Variants in MANSC1 observed in about 807,000 individuals in gnomAD.
MANSC1 encodes MANSC domain containing 1.
A neutral mutation model predicts 14.1 loss-of-function variants in MANSC1; 13 were observed. The ratio of observed to expected loss-of-function variants is 0.92; its 90% CI spans 0.60 to 1.46. MANSC1 has a LOEUF of 1.46. Among genes scored for constraint, MANSC1 ranks in the 40% most tolerant of loss-of-function variants. The probability of loss-of-function intolerance (pLI) is 0.00; values close to 1 mark genes in which losing one functional copy is unlikely to be tolerated. For missense variants in MANSC1, 486 were observed against 511.4 expected (o/e 0.95, Z 0.48); for synonymous variants, 227 against 200.7 (o/e 1.13, Z -1.11).
At chr12:12,339,924 C>T (rs1862912573) in intron 2 of MANSC1, among the ~76,000 whole-genome samples, 1 of 152,084 alleles carries the variant, frequency 6.6e-6, no homozygotes, top group Admixed American at 6.6e-5. Flanking sequence ...ACAATCCTCC[C>T]ACCTCAGCCT....
chr12:12,346,197 C>CTG (rs3053800), intron 1 of MANSC1, among the ~76,000 whole-genome samples: 74,397 of 143,316 alleles, frequency 0.52, 18,313 homozygotes, highest in East Asian at 0.59. Flanking sequence ...GGCATGAACC[C>CTG]CAGGCGGAGC....
At chr12:12,348,055 C>G (rs1304343854) in intron 1 of MANSC1, 4 of 151,726 alleles carry the variant, frequency 2.6e-5, no homozygotes, top group Admixed American at 2.6e-4. Flanking sequence ...AGAGTGAGAC[C>G]CTATCTCAAA....
intron 1 of MANSC1, among the ~76,000 whole-genome samples, chr12:12,347,254 G>A (rs952288344): frequency 3.5e-4 from 53 of 152,282 alleles, no homozygotes; most frequent in African/African-American, 1.2e-3. Flanking sequence ...TGGGGGTGAT[G>A]GGAGACAGTG....
intron 1 of MANSC1, among the ~76,000 whole-genome samples, chr12:12,344,973 C>G (rs1281959705): frequency 3.6e-5 from 3 of 83,300 alleles, no homozygotes; most frequent in Admixed American, 1.5e-4. Context: ...ATATATTACA[C>G]TAGTTCTGTC....
At chr12:12,338,791 A>T (rs534475925) in intron 2 of MANSC1, 87 of 573,504 alleles carry the variant, frequency 1.5e-4, no homozygotes, top group African/African-American at 1.5e-3. Context: ...ACCGAAGGCG[A>T]AGAAGGAAGC....
In MANSC1 at chr12:12,330,050, T is replaced by A. The variant is rs772903280; in HGVS notation, c.1273A>T (p.Asn425Tyr). 1.2e-6 allele frequency: 2 copies of A among 1,614,098 alleles called. No homozygotes were observed. Among genetic ancestry groups the A allele is most frequent in the Non-Finnish European group, 1.7e-6 (2 of 1,180,000 alleles). Residue 425 changes from asparagine (N) to tyrosine (Y), a missense_variant, in exon 4 of 4, where the codon AAT becomes TAT. By Grantham distance (143) the Asn-to-Tyr change is moderately radical (BLOSUM62 -2). Transcript: ENST00000535902. ...CCTTAGATGTCCACATAGATCCCAT[T>A]GATCAAATAATCCAGTCTTGAGTAA... ...KRYSRLDYLI[N>Y]GIYVDI
chr12:12,345,659 T>C (rs1863001058), intron 1 of MANSC1, among the ~76,000 whole-genome samples: 2 of 152,250 alleles, frequency 1.3e-5, no homozygotes, highest in Admixed American at 1.3e-4. Context: ...CATTTCCTTT[T>C]AACATTTCAT....
chr12:12,336,717 G>A lies in MANSC1; in HGVS notation c.364+1703C>T, dbSNP rs141978478. On this transcript the variant is annotated intron_variant, in intron 3 of 3. Transcript: ENST00000535902. ...AATTTTTTTAATTTTTTGTGGATAT[G>A]AGGTCTCATCATGTTGCCCAGGCTG... Among the ~76,000 whole-genome samples, 200 of 152,018 alleles carry A rather than the reference G, an allele frequency of 1.3e-3. 1 individual carries two copies. Among genetic ancestry groups the A allele is most frequent in the African/African-American group, 4.6e-3 (191 of 41,444 alleles).
At chr12:12,345,326 A>C (rs2135998204) in intron 1 of MANSC1, among the ~76,000 whole-genome samples, 1 of 151,692 alleles carries the variant, frequency 6.6e-6, no homozygotes, top group South Asian at 2.1e-4. Context: ...GTCTCAAAAA[A>C]AAAAAAAAAA....
Position 12,327,658 on chromosome 12 carries a change from G to A in MANSC1, c.*2369C>T, listed in dbSNP as rs1862724803. 1 of 152,176 alleles carries A rather than the reference G, an allele frequency of 6.6e-6. No individual in the cohort carries two copies. The highest frequency in any genetic ancestry group is 6.6e-5 in the Admixed American group (1 of 15,264). The allele number at this position is 152,176 out of a possible 1,614,324, so 9.4% of individuals were successfully genotyped here. A position where few individuals can be genotyped will look rare whatever the true frequency, so the allele number is the denominator to read the frequency against. ...GGCACCTGGTTACTAATCTGATTCT[G>A]GCCTACATGTGGATATTCAATAAAT... On this transcript the variant is annotated 3_prime_UTR_variant, in exon 4 of 4. Coordinates refer to ENST00000535902, the MANE Select transcript of MANSC1 (RefSeq NM_018050.4).
chr12:12,335,652 T>C (rs1862849246), intron 3 of MANSC1, among the ~76,000 whole-genome samples: 1 of 148,222 alleles, frequency 6.7e-6, no homozygotes. Flanking sequence ...GAGACCAGCC[T>C]GGCCAACATG....
In MANSC1 at chr12:12,343,200, T is replaced by C. The variant is rs2135996449; in HGVS notation, c.115A>G (p.Ile39Val). ...CLKKSLEDVV[I>V]DIQSSLSKGI... ...TTAGAAAGAGATGACTGGATGTCAA[T>C]GACAACATCTTCTAGACTCTTTTTG... The change falls in exon 2 of 4, where the codon ATT becomes GTT. Residue 39 changes from isoleucine to valine, a missense_variant. Coordinates refer to ENST00000535902, the MANE Select transcript of MANSC1 (RefSeq NM_018050.4). 6.2e-7 allele frequency: 1 copy of C among 1,613,990 alleles called. No individual in the cohort carries two copies. The highest frequency in any genetic ancestry group is 8.5e-7 in the Non-Finnish European group (1 of 1,179,816).
chr12:12,329,885 C>T lies in MANSC1; in HGVS notation c.*142G>A, dbSNP rs61922021. 6.2e-6 allele frequency: 4 copies of T among 640,572 alleles called. No individual in the cohort carries two copies. In the East Asian group the frequency reaches 9.2e-5, roughly 15 times the overall value. 39.7% of individuals were successfully genotyped at this position (640,572 alleles called of 1,614,324 possible). A position where few individuals can be genotyped will look rare whatever the true frequency, so the allele number is the denominator to read the frequency against. On this transcript the variant is annotated 3_prime_UTR_variant, in exon 4 of 4. Coordinates refer to ENST00000535902, the MANE Select transcript of MANSC1 (RefSeq NM_018050.4). Reference sequence around the variant, plus strand: ...TGGGCAACAAAGCAAGACTCTGTCTCCAAAAAAAAAAAAGGAAAGCAGAAG... The same window carrying T: ...TGGGCAACAAAGCAAGACTCTGTCTTCAAAAAAAAAAAAGGAAAGCAGAAG...
At chr12:12,339,936 C>T (rs995643612) in intron 2 of MANSC1, among the ~76,000 whole-genome samples, 1 of 152,110 alleles carries the variant, frequency 6.6e-6, no homozygotes, top group Non-Finnish European at 1.5e-5. Context: ...CCTCAGCCTC[C>T]CCAGTAGCTG....
intron 1 of MANSC1, among the ~76,000 whole-genome samples, chr12:12,349,687 CTG>C (rs1863052601): frequency 6.6e-6 from 1 of 152,202 alleles, no homozygotes; most frequent in African/African-American, 2.4e-5. Flanking sequence ...ATGCTTATAA[CTG>C]TATACACACA....
chr12:12,345,117 C>G (rs11054827), intron 1 of MANSC1, among the ~76,000 whole-genome samples: 11,068 of 148,360 alleles, frequency 0.075, 1,003 homozygotes, highest in East Asian at 0.34. Flanking sequence ...GTCAGGAGTT[C>G]GACACCAGCC....
chr12:12,335,790 C>G (rs1015360543), intron 3 of MANSC1, among the ~76,000 whole-genome samples: 1 of 151,428 alleles, frequency 6.6e-6, no homozygotes, highest in African/African-American at 2.4e-5. Context: ...GGCACTGAAC[C>G]GACACTGCAT....
At chr12:12,337,681 T>G (rs1862876723) in intron 3 of MANSC1, among the ~76,000 whole-genome samples, 1 of 152,244 alleles carries the variant, frequency 6.6e-6, no homozygotes, top group African/African-American at 2.4e-5. Context: ...TTAATTTGTT[T>G]TCACCTTTTT....
chr12:12,330,551 CAGA>C lies in MANSC1; in HGVS notation c.769_771del (p.Ser257del). On this transcript the variant is annotated inframe_deletion, in exon 4 of 4. Coordinates refer to ENST00000535902, the MANE Select transcript of MANSC1 (RefSeq NM_018050.4). ...GTGGCCAGCTGTGGCTGGGAAGTCCCAGAAGGTGTCACTGAAGCATTGGTGGGT... is the reference window on the plus strand; with the variant it reads ...GTGGCCAGCTGTGGCTGGGAAGTCCCAGGTGTCACTGAAGCATTGGTGGGT... The C allele has an allele frequency of 6.2e-7, 1 of 1,614,146 alleles. No individual in the cohort carries two copies. The highest frequency in any genetic ancestry group is 8.5e-7 in the Non-Finnish European group (1 of 1,180,036).
Sources: gnomAD v4.1 joint callset for allele counts (sites outside exome capture counted in the v4.1 genomes callset) on GRCh38, gnomAD v4.1.1 for gene constraint, MANE v1.5 for transcripts, NCBI Gene and HGNC (gene_info 2026-07-23, HGNC 2026-07-21) for gene names.